Variants in PDE9A observed in about 807,000 individuals in gnomAD.
The protein encoded by PDE9A is high affinity cGMP-specific 3',5'-cyclic phosphodiesterase 9A.
A neutral mutation model predicts 87.4 loss-of-function variants in PDE9A; 60 were observed. The observed-to-expected ratio is 0.69, with a 90% CI of 0.56 to 0.85. The LOEUF is 0.85. Ranked by LOEUF, PDE9A falls within the 40% of genes least tolerant of loss-of-function variation. The pLI is 0.00. For missense variants in PDE9A, 665 were observed against 779.0 expected (o/e 0.85, Z 1.74); for synonymous variants, 272 against 279.4 (o/e 0.97, Z 0.27).
chr21:42,771,573 C>T (rs2057029555), intron 18 of PDE9A, among the ~76,000 whole-genome samples: 1 of 152,206 alleles, frequency 6.6e-6, no homozygotes, highest in Non-Finnish European at 1.5e-5. Context: ...ACTGAAGCAC[C>T]CTCCAAGGCC....
Position 42,741,647 on chromosome 21 carries a change from A to C in PDE9A, c.569-2129A>C, listed in dbSNP as rs189488603. On this transcript the variant is annotated intron_variant, in intron 7 of 19. Coordinates refer to ENST00000291539, the MANE Select transcript of PDE9A (RefSeq NM_002606.3). The stretch of plus-strand genomic sequence containing the variant: ...TCTCCAGATTCTTCGTCCTTCTGGC[A>C]GAAAGAAGCAGTGTCCCGGGAACAT... 564 of 152,346 alleles carry C rather than the reference A, an allele frequency of 3.7e-3. 4 individuals carry two copies. The highest frequency in any genetic ancestry group is 0.013 in the African/African-American group (533 of 41,574). 9.4% of individuals were successfully genotyped at this position (152,346 alleles called of 1,614,324 possible).
chr21:42,730,875 C>T (rs1333029989), intron 4 of PDE9A, among the ~76,000 whole-genome samples: 7 of 152,194 alleles, frequency 4.6e-5, no homozygotes, highest in Non-Finnish European at 7.3e-5. Flanking sequence ...TGGGTCAGTG[C>T]TTGTGAACAT....
At chr21:42,769,357 A>T (rs1214761448) in intron 17 of PDE9A, among the ~76,000 whole-genome samples, 2 of 150,680 alleles carry the variant, frequency 1.3e-5, no homozygotes, top group African/African-American at 4.9e-5. Flanking sequence ...GCACACACAC[A>T]GGCACACACT....
At chr21:42,735,732 G>T (rs951857622) in intron 7 of PDE9A, among the ~76,000 whole-genome samples, 2 of 152,114 alleles carry the variant, frequency 1.3e-5, no homozygotes, top group African/African-American at 4.8e-5. Context: ...TCCAGGATGG[G>T]CCCATCTCCA....
At chr21:42,730,397 G>A (rs2051602068) in intron 4 of PDE9A, among the ~76,000 whole-genome samples, 1 of 152,082 alleles carries the variant, frequency 6.6e-6, no homozygotes, top group Non-Finnish European at 1.5e-5. Context: ...GACAGGTGAA[G>A]CAATGAGGTG....
Position 42,692,620 on chromosome 21 carries a change from G to GCT in PDE9A, c.218+4627_218+4628dup, listed in dbSNP as rs2059910768. ...GAATCTTTCTGCAGCAGAAAGCCAG[G>GCT]CTTTCTGCAGGTTCCCAGTGAGGAG... On this transcript the variant is annotated intron_variant, in intron 3 of 19. Coordinates refer to ENST00000291539, the MANE Select transcript of PDE9A (RefSeq NM_002606.3). This position sits in a 1 kb window ranked among gnomAD's most constrained non-coding sequence, Gnocchi z 4.3. Among the ~76,000 whole-genome samples, 1 of 152,100 alleles carries GCT rather than the reference G, an allele frequency of 6.6e-6. No homozygotes were observed. The highest frequency in any genetic ancestry group is 1.5e-5 in the Non-Finnish European group (1 of 67,998).
chr21:42,672,516 G>C (rs137988266), intron 1 of PDE9A, among the ~76,000 whole-genome samples: 1 of 152,372 alleles, frequency 6.6e-6, no homozygotes, highest in African/African-American at 2.4e-5. Flanking sequence ...TGCTCACCCT[G>C]GTTCACACAG....
rs368613975 is a variant in PDE9A, at chr21:42,730,192, G to T, written c.263-1578G>T. Among the ~76,000 whole-genome samples, 18 of 152,296 alleles carry T rather than the reference G, an allele frequency of 1.2e-4. No homozygotes were observed. The South Asian group carries it at 3.3e-3, about 28-fold the overall frequency. ...GGGAGCCATCTTCCCCCACTAGTAG[G>T]TGTGGGCCTTTCTTAAGGTGAGGGC... On this transcript the variant is annotated intron_variant, in intron 4 of 19. Transcript: ENST00000291539.
intron 14 of PDE9A, among the ~76,000 whole-genome samples, chr21:42,764,553 C>T (rs1194103696): frequency 6.6e-6 from 1 of 152,206 alleles, no homozygotes; most frequent in South Asian, 2.1e-4. Context: ...GAGAGCATCC[C>T]GCAAGAGAAG....
chr21:42,666,963 G>A (rs543816456), intron 1 of PDE9A, among the ~76,000 whole-genome samples: 12 of 152,278 alleles, frequency 7.9e-5, no homozygotes, highest in East Asian at 7.7e-4. Context: ...CCAAGGTCCC[G>A]CGCCTGGTGA....
intron 19 of PDE9A, among the ~76,000 whole-genome samples, chr21:42,774,917 A>C (rs2057369124): frequency 6.7e-6 from 1 of 148,878 alleles, no homozygotes; most frequent in African/African-American, 2.5e-5. Flanking sequence ...TAATCCTGTA[A>C]CGTTTCTGCG....
chr21:42,773,410 C>T (rs1041972385), intron 19 of PDE9A, among the ~76,000 whole-genome samples: 5 of 152,194 alleles, frequency 3.3e-5, no homozygotes, highest in African/African-American at 7.2e-5. Flanking sequence ...TCACAAATCA[C>T]GTGTTTGCTT....
In PDE9A at chr21:42,694,931, T is replaced by C. The variant is rs1350544695; in HGVS notation, c.219-4037T>C. Among the ~76,000 whole-genome samples, 2 of 152,064 alleles carry C rather than the reference T, an allele frequency of 1.3e-5. No homozygotes were observed. Among genetic ancestry groups the C allele is most frequent in the Non-Finnish European group, 2.9e-5 (2 of 68,022 alleles). On this transcript the variant is annotated intron_variant, in intron 3 of 19. Coordinates refer to ENST00000291539, the MANE Select transcript of PDE9A (RefSeq NM_002606.3). This position sits in a 1 kb window ranked among gnomAD's most constrained non-coding sequence, Gnocchi z 5.3. ...ATGCCCACCCCAGCCCAGCGGGCAC[T>C]CCCCTTCTGCAAACCTCCAAGCACA...
At chr21:42,685,015 A>C (rs1000286568) in intron 1 of PDE9A, among the ~76,000 whole-genome samples, 4 of 152,206 alleles carry the variant, frequency 2.6e-5, no homozygotes, top group Non-Finnish European at 5.9e-5. Context: ...TGGGCACCGA[A>C]AAATAACCAT....
At position 42,680,945 on chromosome 21, in the gene PDE9A, A is replaced by G. The variant is rs149736955; in HGVS notation, c.70-5247A>G. Among the ~76,000 whole-genome samples the G allele has an allele frequency of 7.3e-3, 1,114 of 152,334 alleles. 5 individuals carry two copies. Among genetic ancestry groups the G allele is most frequent in the Non-Finnish European group, 0.011 (778 of 68,024 alleles). On this transcript the variant is annotated intron_variant, in intron 1 of 19. Coordinates refer to ENST00000291539, the MANE Select transcript of PDE9A (RefSeq NM_002606.3). ...ACAAAATGTGGCGAAAAGTTTTTCT[A>G]GGTGCCTTTGTTCACTCAGAGACTT...
Position 42,760,300 on chromosome 21 carries a change from G to A in PDE9A, c.898-28G>A. 2 of 1,397,120 alleles carry A rather than the reference G, an allele frequency of 1.4e-6. No homozygotes were observed. Among genetic ancestry groups the A allele is most frequent in the South Asian group, 1.1e-5 (1 of 87,694 alleles). 86.5% of individuals were successfully genotyped at this position (1,397,120 alleles called of 1,614,324 possible). ...GAGAGGTGGGCGGGCCCAGGCACAG[G>A]GTGACTCGGACCCCCTGCCTCCCGC... On this transcript the variant is annotated intron_variant, in intron 11 of 19. Coordinates refer to ENST00000291539, the MANE Select transcript of PDE9A (RefSeq NM_002606.3). This position sits in a 1 kb window ranked among gnomAD's most constrained non-coding sequence, Gnocchi z 5.2.
rs951197355 is a variant in PDE9A, at chr21:42,770,579, G to A, written c.1591-124G>A. ...GTGGAGGCAGCAGAGCCGGCACGAG[G>A]GTGTCCAGGAGCTGGGACTGGCCCA... On this transcript the variant is annotated intron_variant, in intron 17 of 19. Transcript: ENST00000291539. The A allele has an allele frequency of 5.3e-5, 36 of 684,294 alleles. No homozygotes were observed. In the East Asian group the frequency reaches 8.1e-4, roughly 15 times the overall value. The allele number at this position is 684,294 out of a possible 1,614,324, so 42.4% of individuals were successfully genotyped here.
In PDE9A at chr21:42,774,881, C is replaced by CCAA. The variant is rs2057364569; in HGVS notation, c.1769-399_1769-398insCAA. 6.2e-5 allele frequency among the ~76,000 whole-genome samples: 7 copies of CCAA among 112,364 alleles called. No individual in the cohort carries two copies. In the South Asian group the frequency reaches 1.3e-3, roughly 21 times the overall value. The allele number at this position is 112,364 out of a possible 152,430, so 73.7% of individuals were successfully genotyped here. ...TGGGCAACAGAGCAAGACTCCATCT[C>CCAA]AAAAAAAAAAAAAAAAGTCTGTGTA... On this transcript the variant is annotated intron_variant, in intron 19 of 19. Transcript: ENST00000291539.
In PDE9A at chr21:42,686,182, T is replaced by C. The variant is rs1569145346; in HGVS notation, c.70-10T>C. On this transcript the variant is annotated splice_polypyrimidine_tract_variant and intron_variant, in intron 1 of 19. Coordinates refer to ENST00000291539, the MANE Select transcript of PDE9A (RefSeq NM_002606.3). ...CCTCGCTGCCGCCTCACCGCGCTTC[T>C]GTTTTGCAGGTAATCTTCAGCAAGT... 8 of 1,612,822 alleles carry C rather than the reference T, an allele frequency of 5.0e-6. No individual in the cohort carries two copies. Among genetic ancestry groups the C allele is most frequent in the African/African-American group, 2.7e-5 (2 of 75,042 alleles).
Sources: allele counts gnomAD v4.1 joint callset (sites outside exome capture counted in the v4.1 genomes callset), GRCh38; gene constraint gnomAD v4.1.1; non-coding constraint Gnocchi (gnomAD v3.1); transcripts MANE v1.5; gene names NCBI Gene and HGNC (gene_info 2026-07-23, HGNC 2026-07-21).